The following AKAP6 variants were observed in gnomAD, a reference collection of about 807,000 sequenced individuals.
AKAP6 encodes the protein A-kinase anchor protein 6.
AKAP6 carries 58 observed loss-of-function variants against 188.5 expected under a neutral mutation model. The observed-to-expected ratio is 0.31, with a 90% CI of 0.25 to 0.38. The LOEUF is 0.38. Ranked by LOEUF, AKAP6 falls within the 10% of genes least tolerant of loss-of-function variation. The probability of loss-of-function intolerance (pLI) is 1.00; values close to 1 mark genes in which losing one functional copy is unlikely to be tolerated. For synonymous variants in AKAP6, 989 were observed against 998.6 expected (o/e 0.99, Z 0.18); for missense variants, 2,710 against 2,740.0 (o/e 0.99, Z 0.24).
At chr14:32,658,780 TA>T (rs34420236) in intron 7 of AKAP6, among the ~76,000 whole-genome samples, 2,558 of 135,874 alleles carry the variant, frequency 0.019, 51 homozygotes, top group East Asian at 0.12. Context: ...AAGTCTTCTT[TA>T]AAAAAAAAAA....
In AKAP6 at chr14:32,444,594, AT is replaced by A. The variant is rs550426655; in HGVS notation, c.324+10779del. Among the ~76,000 whole-genome samples the A allele has an allele frequency of 7.2e-5, 11 of 152,284 alleles. No individual in the cohort carries two copies. In the East Asian group the frequency reaches 2.1e-3, roughly 29 times the overall value. On this transcript the variant is annotated intron_variant, in intron 2 of 13. Transcript: ENST00000280979. The stretch of plus-strand genomic sequence containing the variant: ...ATAAGGAAGATTTGCCAAATATATC[AT>A]TAAATGGAGAAGGAATATGTGAAAT...
At chr14:32,552,693 G>A (rs552881978) in intron 4 of AKAP6, among the ~76,000 whole-genome samples, 1 of 152,296 alleles carries the variant, frequency 6.6e-6, no homozygotes, top group South Asian at 2.1e-4. Context: ...AACACAATAT[G>A]AGGCAAAGGG....
In AKAP6 at chr14:32,623,953, G is replaced by T. The variant is rs148518081; in HGVS notation, c.2730+23161G>T. Among the ~76,000 whole-genome samples the T allele has an allele frequency of 3.8e-3, 586 of 152,232 alleles. 2 individuals are homozygous for T. The highest frequency in any genetic ancestry group is 0.013 in the African/African-American group (545 of 41,548). On this transcript the variant is annotated intron_variant, in intron 7 of 13. Coordinates refer to ENST00000280979, the MANE Select transcript of AKAP6 (RefSeq NM_004274.5). ...TAAGTGTTTGGCAGAGTCAGCAAAT[G>T]GGTTGGTTTGTGCAAAGTTTTGGGA... is the stretch of plus-strand genomic sequence containing the variant.
chr14:32,423,874 C>G (rs1257186463), intron 1 of AKAP6, among the ~76,000 whole-genome samples: 1 of 151,984 alleles, frequency 6.6e-6, no homozygotes, highest in African/African-American at 2.4e-5. Context: ...ATCTATAATG[C>G]TAAGATTGTG....
At position 32,798,851 on chromosome 14, in the gene AKAP6, A is replaced by G. The variant is rs568138744; in HGVS notation, c.3589-22551A>G. ...CAATTTAACCACATAACAAAACCAC[A>G]TGTACTTTCTGAACCTAAAATAAAA... On this transcript the variant is annotated intron_variant, in intron 12 of 13. Coordinates refer to ENST00000280979, the MANE Select transcript of AKAP6 (RefSeq NM_004274.5). Among the ~76,000 whole-genome samples, 7 of 152,160 alleles carry G rather than the reference A, an allele frequency of 4.6e-5. No homozygotes were observed. The South Asian group carries it at 1.2e-3, about 27-fold the overall frequency.
At chr14:32,466,109 T>C (rs901617955) in intron 2 of AKAP6, among the ~76,000 whole-genome samples, 1 of 152,146 alleles carries the variant, frequency 6.6e-6, no homozygotes, top group Admixed American at 6.6e-5. Context: ...GAAATAGGAA[T>C]GCTTTTATCC....
At chr14:32,350,306 A>G (rs1887222350) in intron 1 of AKAP6, among the ~76,000 whole-genome samples, 1 of 152,190 alleles carries the variant, frequency 6.6e-6, no homozygotes, top group Non-Finnish European at 1.5e-5. Context: ...GAAGAGTACT[A>G]CTTCACCTCC....
At chr14:32,619,938 C>T (rs1000904372) in intron 7 of AKAP6, among the ~76,000 whole-genome samples, 7 of 151,894 alleles carry the variant, frequency 4.6e-5, no homozygotes, top group Admixed American at 3.9e-4. Context: ...ATTTCATTTG[C>T]AGCTATTATA....
chr14:32,671,121 G>A (rs1325879906), intron 7 of AKAP6, among the ~76,000 whole-genome samples: 1 of 152,152 alleles, frequency 6.6e-6, no homozygotes, highest in African/African-American at 2.4e-5. Context: ...GGGATTTCTA[G>A]GGGTGGGGGT....
chr14:32,645,283 G>T (rs1887939884), intron 7 of AKAP6, among the ~76,000 whole-genome samples: 2 of 152,130 alleles, frequency 1.3e-5, no homozygotes, highest in Non-Finnish European at 2.9e-5. Flanking sequence ...GTAGCACCGA[G>T]GACATTTTCA....
intron 12 of AKAP6, among the ~76,000 whole-genome samples, chr14:32,816,946 T>G (rs758575794): frequency 2.0e-5 from 3 of 152,172 alleles, no homozygotes; most frequent in Non-Finnish European, 4.4e-5. Flanking sequence ...CTGCACATTC[T>G]GAGTACCAGA....
intron 2 of AKAP6, among the ~76,000 whole-genome samples, chr14:32,471,645 T>G (rs1433775316): frequency 6.6e-6 from 1 of 152,218 alleles, no homozygotes; most frequent in Non-Finnish European, 1.5e-5. Context: ...TTTGGGTAGG[T>G]GGAATCCTGT....
intron 12 of AKAP6, among the ~76,000 whole-genome samples, chr14:32,784,072 A>C (rs974837465): frequency 4.6e-5 from 7 of 152,174 alleles, no homozygotes; most frequent in African/African-American, 1.7e-4. Flanking sequence ...AATTGTCAAA[A>C]ATTATATCTA....
Position 32,546,941 on chromosome 14 carries a change from A to G in AKAP6, c.2288A>G (p.Lys763Arg). 6.2e-7 allele frequency: 1 copy of G among 1,611,276 alleles called. No homozygotes were observed. The highest frequency in any genetic ancestry group is 8.5e-7 in the Non-Finnish European group (1 of 1,179,960). ...GCCACTAAATCAGCTTTAATTCAGA[A>G]ACTGATGCAAGATATTCAGCACCAA... The part of the protein sequence containing the change: ...HSATKSALIQ[K>R]LMQDIQHQDN... The change falls in exon 4 of 14, where the codon AAA becomes AGA. Residue 763 changes from lysine to arginine, a missense_variant. Coordinates refer to ENST00000280979, the MANE Select transcript of AKAP6 (RefSeq NM_004274.5).
intron 11 of AKAP6, among the ~76,000 whole-genome samples, chr14:32,770,437 A>G (rs1488714020): frequency 6.6e-6 from 1 of 152,190 alleles, no homozygotes; most frequent in Non-Finnish European, 1.5e-5. Context: ...GGAAGGCAAT[A>G]TGACTATGCA....
At position 32,547,558 on chromosome 14, in the gene AKAP6, T is replaced by G. The variant is rs192708042; in HGVS notation, c.2346+559T>G. The stretch of plus-strand genomic sequence containing the variant: ...CTATACATGTACCACCCATGGACTC[T>G]GGGATGTGAAGTTGACATTTTGGCT... On this transcript the variant is annotated intron_variant, in intron 4 of 13. Transcript: ENST00000280979. 4.5e-3 allele frequency among the ~76,000 whole-genome samples: 692 copies of G among 152,292 alleles called. 4 individuals carry two copies. Among genetic ancestry groups the G allele is most frequent in the African/African-American group, 0.016 (648 of 41,576 alleles).
chr14:32,386,096 A>G (rs1372432605), intron 1 of AKAP6, among the ~76,000 whole-genome samples: 2 of 151,672 alleles, frequency 1.3e-5, no homozygotes, highest in East Asian at 3.9e-4. Context: ...TCATATAAAG[A>G]CTTCTTTTCC....
At chr14:32,575,740 AG>A (rs1337374009) in intron 4 of AKAP6, among the ~76,000 whole-genome samples, 4 of 152,174 alleles carry the variant, frequency 2.6e-5, no homozygotes, top group Non-Finnish European at 4.4e-5. Flanking sequence ...GATTTTCAAT[AG>A]GAAAAGCTTT....
intron 4 of AKAP6, among the ~76,000 whole-genome samples, chr14:32,549,197 G>A (rs1883341865): frequency 6.6e-6 from 1 of 152,116 alleles, no homozygotes; most frequent in Admixed American, 6.5e-5. Flanking sequence ...CTGCTCCAGA[G>A]CCCATATTAT....
Sources: gnomAD v4.1 joint callset for allele counts (sites outside exome capture counted in the v4.1 genomes callset) on GRCh38, gnomAD v4.1.1 for gene constraint, MANE v1.5 for transcripts, NCBI Gene and HGNC (gene_info 2026-07-23, HGNC 2026-07-21) for gene names.